Variants in LHFPL2 observed in about 807,000 individuals in gnomAD.
LHFPL2 encodes LHFPL tetraspan subfamily member 2.
Under a neutral mutation model 17.5 loss-of-function variants are expected in LHFPL2, and 7 were observed. The ratio of observed to expected loss-of-function variants is 0.40; its 90% confidence interval spans 0.23 to 0.75. LHFPL2 has a LOEUF of 0.75. Among genes scored for constraint, LHFPL2 ranks in the 30% least tolerant of loss-of-function variants. LHFPL2 has a pLI of 0.37. For synonymous variants in LHFPL2, 134 were observed against 116.2 expected, an observed-to-expected ratio of 1.15 and a Z score of -0.99; for missense variants, 241 against 294.8, an observed-to-expected ratio of 0.82 and a Z score of 1.34.
In LHFPL2 at chr5:78,615,432, G is replaced by C. The variant is rs1744566292; in HGVS notation, c.-245+16832C>G. ...ACATCAAATCACATAATCTTAAACT[G>C]GTAATTAGACTAAAAACAATCCAAA... On this transcript the variant is annotated intron_variant, in intron 2 of 4. Transcript: ENST00000380345. 2.0e-5 allele frequency among the ~76,000 whole-genome samples: 3 copies of C among 152,092 alleles called. No homozygotes were observed. The South Asian group carries it at 6.2e-4, about 32-fold the overall frequency.
rs1337854442 is a variant in LHFPL2, at chr5:78,648,439, G to A, written c.-350+60C>T. The A allele has an allele frequency of 6.6e-6, 1 of 151,730 alleles. No individual in the cohort carries two copies. The highest frequency in any genetic ancestry group is 2.4e-5 in the African/African-American group (1 of 41,378). 9.4% of individuals were successfully genotyped at this position (151,730 alleles called of 1,614,324 possible). On this transcript the variant is annotated intron_variant, in intron 1 of 4. Coordinates refer to ENST00000380345, the MANE Select transcript of LHFPL2 (RefSeq NM_005779.3). This position sits in a 1 kb window ranked among gnomAD's most constrained non-coding sequence, Gnocchi z 5.4. ...ATGCGCCCGCGCGGGGCGCCCACCT[G>A]GCCGGGCCCACCGGCTCTCCCCTCC...
chr5:78,645,543 TACACACACACACAC>T lies in LHFPL2; in HGVS notation c.-350+2942_-350+2955del, dbSNP rs56911011. Among the ~76,000 whole-genome samples, 277 of 137,314 alleles carry T rather than the reference TACACACACACACAC, an allele frequency of 2.0e-3. 7 individuals are homozygous for T. The highest frequency in any genetic ancestry group is 0.016 in the East Asian group (74 of 4,660). 90.1% of individuals were successfully genotyped at this position (137,314 alleles called of 152,430 possible). On this transcript the variant is annotated intron_variant, in intron 1 of 4. Coordinates refer to ENST00000380345, the MANE Select transcript of LHFPL2 (RefSeq NM_005779.3). The stretch of plus-strand genomic sequence containing the variant: ...ACCCCAAGATAGACAGACAGATGCA[TACACACACACACAC>T]ACACACACACACACACACACACACA...
intron 2 of LHFPL2, among the ~76,000 whole-genome samples, chr5:78,616,303 A>G (rs1473788646): frequency 1.3e-5 from 2 of 151,688 alleles, no homozygotes; most frequent in Non-Finnish European, 2.9e-5. Flanking sequence ...ATTTTTTTGT[A>G]TTTTTAGTAG....
chr5:78,499,359 C>T (rs754880257), intron 4 of LHFPL2, among the ~76,000 whole-genome samples: 2 of 152,208 alleles, frequency 1.3e-5, no homozygotes, highest in Non-Finnish European at 2.9e-5. Context: ...AAATATAACT[C>T]ATGCAGTCCT....
intron 3 of LHFPL2, among the ~76,000 whole-genome samples, chr5:78,560,663 C>T (rs1756701089): frequency 6.6e-6 from 1 of 152,184 alleles, no homozygotes; most frequent in Admixed American, 6.5e-5. Flanking sequence ...TAAAAACAGA[C>T]CTTAAGCTGT....
rs556523972 is a variant in LHFPL2 at position 78,486,010 on chromosome 5, C to CCAAAA, written c.*2882_*2886dup. On this transcript the variant is annotated 3_prime_UTR_variant, in exon 5 of 5. Coordinates refer to ENST00000380345, the MANE Select transcript of LHFPL2 (RefSeq NM_005779.3). ...CCCTGTTTTGACTCCTGTCCAGTTT[C>CCAAAA]CAAAACAAAACAACAAAACATACAT... 5 of 152,644 alleles carry CCAAAA rather than the reference C, an allele frequency of 3.3e-5. No individual in the cohort carries two copies. The East Asian group carries it at 7.7e-4, about 24-fold the overall frequency. 9.5% of individuals were successfully genotyped at this position (152,644 alleles called of 1,614,324 possible).
intron 2 of LHFPL2, among the ~76,000 whole-genome samples, chr5:78,566,543 AACCTCC>A (rs1383036960): frequency 6.6e-6 from 1 of 151,914 alleles, no homozygotes; most frequent in Non-Finnish European, 1.5e-5. Context: ...GGCTCACTGC[AACCTCC>A]ACCTCCTGGG....
At chr5:78,602,700 G>A (rs964851005) in intron 2 of LHFPL2, among the ~76,000 whole-genome samples, 2 of 152,076 alleles carry the variant, frequency 1.3e-5, no homozygotes, top group African/African-American at 4.8e-5. Flanking sequence ...AAGGCCTTGG[G>A]GAAACAACCT....
intron 3 of LHFPL2, among the ~76,000 whole-genome samples, chr5:78,523,386 G>A (rs1194894624): frequency 6.6e-6 from 1 of 152,108 alleles, no homozygotes; most frequent in Non-Finnish European, 1.5e-5. Flanking sequence ...AGGAGACTTG[G>A]GAGCTCTCAG....
In LHFPL2 at chr5:78,488,497, T is replaced by C. The variant is rs544478002; in HGVS notation, c.*400A>G. 4.1e-5 allele frequency: 9 copies of C among 222,138 alleles called. No individual in the cohort carries two copies. The South Asian group carries it at 6.8e-4, about 17-fold the overall frequency. 13.8% of individuals were successfully genotyped at this position (222,138 alleles called of 1,614,324 possible). On this transcript the variant is annotated 3_prime_UTR_variant, in exon 5 of 5. Transcript: ENST00000380345. The stretch of plus-strand genomic sequence containing the variant: ...CAAGAACTCCAACCCAAAACCCCAT[T>C]CTGAGGCAGAGATGCTCACAAGCAA...
chr5:78,629,933 A>C (rs1373635620), intron 2 of LHFPL2, among the ~76,000 whole-genome samples: 1 of 152,260 alleles, frequency 6.6e-6, no homozygotes, highest in Non-Finnish European at 1.5e-5. Context: ...TAAACATTTC[A>C]CTGAATGAAA....
At chr5:78,534,239 C>T (rs915625130) in intron 3 of LHFPL2, among the ~76,000 whole-genome samples, 22 of 152,308 alleles carry the variant, frequency 1.4e-4, no homozygotes, top group East Asian at 5.8e-4. Flanking sequence ...ACAGGAGAGG[C>T]GGCCCCTGGG....
chr5:78,506,923 A>T (rs1754948827), intron 4 of LHFPL2, among the ~76,000 whole-genome samples: 1 of 150,130 alleles, frequency 6.7e-6, no homozygotes, highest in African/African-American at 2.4e-5. Context: ...GGAGGAAGTT[A>T]AAGCTTCCAG....
intron 4 of LHFPL2, among the ~76,000 whole-genome samples, chr5:78,493,939 G>A (rs928152287): frequency 2.0e-5 from 3 of 152,192 alleles, no homozygotes; most frequent in African/African-American, 7.2e-5. Context: ...GGGACTATCA[G>A]CTTGGTCATA....
intron 2 of LHFPL2, among the ~76,000 whole-genome samples, chr5:78,598,887 G>A (rs574164192): frequency 6.6e-5 from 10 of 152,168 alleles, no homozygotes; most frequent in Non-Finnish European, 1.5e-4. Context: ...GCATTCCAAA[G>A]TAAAAATGTA....
intron 3 of LHFPL2, among the ~76,000 whole-genome samples, chr5:78,531,895 G>C (rs1561325033): frequency 6.6e-6 from 1 of 151,774 alleles, no homozygotes; most frequent in Non-Finnish European, 1.5e-5. Context: ...CTGTGTAGCT[G>C]GGAGTACAAG....
chr5:78,492,165 G>A (rs960407209), intron 4 of LHFPL2, among the ~76,000 whole-genome samples: 6 of 152,132 alleles, frequency 3.9e-5, no homozygotes, highest in East Asian at 3.9e-4. Flanking sequence ...CCCCCAGCCC[G>A]GCACGCAAAG....
intron 3 of LHFPL2, among the ~76,000 whole-genome samples, chr5:78,535,024 A>C (rs990618547): frequency 1.3e-5 from 2 of 152,344 alleles, no homozygotes; most frequent in South Asian, 2.1e-4. Context: ...AGTTTGTTGG[A>C]ATGTACGGAA....
At chr5:78,552,384 C>T (rs372633901) in intron 3 of LHFPL2, among the ~76,000 whole-genome samples, 4 of 152,316 alleles carry the variant, frequency 2.6e-5, no homozygotes, top group South Asian at 4.2e-4. Flanking sequence ...CCACCTGCCT[C>T]GGCCTCCCAA....
Sources: gnomAD v4.1 joint callset for allele counts (sites outside exome capture counted in the v4.1 genomes callset) on GRCh38, gnomAD v4.1.1 for gene constraint, Gnocchi (gnomAD v3.1) non-coding constraint, MANE v1.5 for transcripts, NCBI Gene and HGNC (gene_info 2026-07-23, HGNC 2026-07-21) for gene names.